PTGER4: variants seen among roughly 807,000 people sequenced by gnomAD.
The protein encoded by PTGER4 is prostaglandin E2 receptor EP4 subtype.
In PTGER4, 11 loss-of-function variants were observed where a neutral mutation model predicts 33.2. The observed-to-expected ratio is 0.33, with a 90% CI of 0.21 to 0.55. PTGER4 has a LOEUF of 0.55. PTGER4 is among the 20% of genes least tolerant of loss of function. PTGER4 has a pLI of 0.92. For synonymous variants in PTGER4, 275 were observed against 281.5 expected, an observed-to-expected ratio of 0.98 and a Z score of 0.23; for missense variants, 481 against 650.2, an observed-to-expected ratio of 0.74 and a Z score of 2.83.
the PTGER4 span, among the ~76,000 whole-genome samples, chr5:40,701,101 G>C: frequency 1.3e-5 from 2 of 152,174 alleles, no homozygotes; most frequent in African/African-American, 4.8e-5. Flanking sequence ...ACCAATGCAA[G>C]AACTCCAGTA....
intron 2 of PTGER4, among the ~76,000 whole-genome samples, chr5:40,684,116 A>ACCCCCCCCC (rs1438448504): frequency 2.6e-5 from 1 of 38,318 alleles, no homozygotes; most frequent in Non-Finnish European, 5.0e-5. Flanking sequence ...TCATTATGCC[A>ACCCCCCCCC]CCCACCCACC....
chr5:40,745,105 G>A, the PTGER4 span, among the ~76,000 whole-genome samples: 572 of 152,186 alleles, frequency 3.8e-3, 1 homozygote, highest in Admixed American at 6.0e-3. Context: ...AGTGTCATGG[G>A]GGATAAAAGT....
chr5:40,719,597 T>C, the PTGER4 span, among the ~76,000 whole-genome samples: 7 of 152,332 alleles, frequency 4.6e-5, no homozygotes, highest in East Asian at 9.6e-4. Flanking sequence ...GATAACTATA[T>C]GTTTCATTTT....
rs1208407299 is a variant in PTGER4 at position 40,692,252 on chromosome 5, C to T, written c.1341C>T (p.Asp447=). The change falls in exon 3 of 3, where the codon GAC becomes GAT. Residue 447 remains aspartate, a synonymous_variant. Coordinates refer to ENST00000302472, the MANE Select transcript of PTGER4 (RefSeq NM_000958.3). The part of the protein sequence containing the change: ...SETSDSSQGQ[D]SESVLLVDEA... ...CCTCAGACTCTTCACAGGGTCAGGA[C>T]TCAGAGAGTGTCTTACTGGTGGATG... The T allele has an allele frequency of 5.0e-6, 8 of 1,614,232 alleles. No homozygotes were observed. The East Asian group carries it at 1.8e-4, about 36-fold the overall frequency.
chr5:40,725,735 C>A, the PTGER4 span, among the ~76,000 whole-genome samples: 3 of 151,904 alleles, frequency 2.0e-5, no homozygotes, highest in South Asian at 6.2e-4. Flanking sequence ...TTCTCACCAT[C>A]CCCATTCCCT....
At chr5:40,745,527 C>A in the PTGER4 span, among the ~76,000 whole-genome samples, 5 of 151,638 alleles carry the variant, frequency 3.3e-5, no homozygotes, top group Non-Finnish European at 7.4e-5. Context: ...TTGTCCTATT[C>A]TTTTGTTTTG....
chr5:40,715,662 AAATG>A, the PTGER4 span: 1 of 152,762 alleles, frequency 6.5e-6, no homozygotes, highest in African/African-American at 2.4e-5. Context: ...CTTTGAATCA[AAATG>A]AATGTCAAAA....
chr5:40,709,393 A>G, the PTGER4 span, among the ~76,000 whole-genome samples: 1 of 152,198 alleles, frequency 6.6e-6, no homozygotes, highest in East Asian at 1.9e-4. Context: ...CCAATAACAG[A>G]CAAACACAGA....
chr5:40,741,737 C>G, the PTGER4 span, among the ~76,000 whole-genome samples: 26 of 152,194 alleles, frequency 1.7e-4, no homozygotes, highest in Non-Finnish European at 3.1e-4. Flanking sequence ...ACCTGTAATT[C>G]CAGCACTCTG....
In PTGER4 at chr5:40,680,978, A is replaced by C. The variant is rs779168270; in HGVS notation, c.-16A>C. 3 of 1,592,676 alleles carry C rather than the reference A, an allele frequency of 1.9e-6. No homozygotes were observed. The highest frequency in any genetic ancestry group is 8.6e-7 in the Non-Finnish European group (1 of 1,168,930). On this transcript the variant is annotated 5_prime_UTR_variant, in exon 2 of 3. Transcript: ENST00000302472. The surrounding 1 kb of genome is among the most constrained non-coding windows in gnomAD (Gnocchi z 5.5). ...CCAGCCTTGCACTCCAAGGCTGCGC[A>C]CCGCCAGCCACTATCATGTCCACTC...
chr5:40,724,166 C>T, the PTGER4 span, among the ~76,000 whole-genome samples: 56 of 152,264 alleles, frequency 3.7e-4, no homozygotes, highest in Middle Eastern at 3.4e-3. Context: ...AAATGGTATA[C>T]ACACAAAATG....
chr5:40,720,626 C>CT, the PTGER4 span, among the ~76,000 whole-genome samples: 1 of 152,138 alleles, frequency 6.6e-6, no homozygotes, highest in Non-Finnish European at 1.5e-5. Context: ...GTGGGAAGCC[C>CT]TGGACCCTCC....
chr5:40,690,513 T>C (rs1274151038), intron 2 of PTGER4, among the ~76,000 whole-genome samples: 1 of 152,252 alleles, frequency 6.6e-6, no homozygotes, highest in African/African-American at 2.4e-5. Flanking sequence ...CTATTTGAAA[T>C]GTGATGTCTT....
At chr5:40,689,568 G>T (rs991289740) in intron 2 of PTGER4, among the ~76,000 whole-genome samples, 3 of 151,930 alleles carry the variant, frequency 2.0e-5, no homozygotes, top group African/African-American at 7.3e-5. Context: ...AGTGCCAAAG[G>T]AACACATGCA....
chr5:40,687,128 C>T (rs1314212607), intron 2 of PTGER4, among the ~76,000 whole-genome samples: 1 of 152,180 alleles, frequency 6.6e-6, no homozygotes, highest in Non-Finnish European at 1.5e-5. Flanking sequence ...TCACCGCAAC[C>T]TCCACCTCCC....
the PTGER4 span, chr5:40,730,338 C>A: frequency 5.6e-6 from 9 of 1,611,756 alleles, no homozygotes; most frequent in Middle Eastern, 6.6e-4. Context: ...AATTGCCTCC[C>A]GATATCTGTG....
chr5:40,716,482 T>C, the PTGER4 span: 11 of 1,588,370 alleles, frequency 6.9e-6, no homozygotes. Context: ...AAGGGCTACT[T>C]GAAAACTTCG....
At chr5:40,706,972 C>G in the PTGER4 span, among the ~76,000 whole-genome samples, 1 of 152,094 alleles carries the variant, frequency 6.6e-6, no homozygotes, top group Non-Finnish European at 1.5e-5. Context: ...TCCAGACAAA[C>G]AAATGCTGAG....
At chr5:40,741,343 T>C in the PTGER4 span, among the ~76,000 whole-genome samples, 1 of 152,206 alleles carries the variant, frequency 6.6e-6, no homozygotes, top group African/African-American at 2.4e-5. Context: ...ATATTTCTGG[T>C]GACCATCAAA....
Sources: allele counts gnomAD v4.1 joint callset (sites outside exome capture counted in the v4.1 genomes callset), GRCh38; gene constraint gnomAD v4.1.1; non-coding constraint Gnocchi (gnomAD v3.1); transcripts MANE v1.5; gene names NCBI Gene and HGNC (gene_info 2026-07-23, HGNC 2026-07-21).